Variants in POU2F1 observed in about 807,000 individuals in gnomAD.
POU2F1 encodes the protein POU class 2 homeobox 1, also known as POU domain, class 2, transcription factor 1.
POU2F1 carries 16 observed loss-of-function variants against 84.9 expected under a neutral mutation model. The observed-to-expected ratio is 0.19, with a 90% confidence interval of 0.13 to 0.29. The LOEUF (loss-of-function observed/expected upper bound fraction) is 0.29. POU2F1 is among the 10% of genes least tolerant of loss of function. The pLI is 1.00. For synonymous variants in POU2F1, 368 were observed against 368.3 expected (o/e 1.00, Z 0.01); for missense variants, 738 against 942.6 (o/e 0.78, Z 2.84).
rs192429069 is a variant in POU2F1, at chr1:167,415,459, T to C, written c.1991-41T>C. The C allele has an allele frequency of 3.1e-6, 5 of 1,587,380 alleles. No individual in the cohort carries two copies. In the East Asian group the frequency reaches 6.7e-5, roughly 21 times the overall value. ...TTTGGCTTCTCCAGGATGATGTTAA[T>C]GTTTTCATTCCTGCCTGTTTTGGGG... On this transcript the variant is annotated intron_variant, in intron 15 of 15. Transcript: ENST00000367866.
chr1:167,248,454 G>T (rs1441745645), intron 1 of POU2F1, among the ~76,000 whole-genome samples: 3 of 152,206 alleles, frequency 2.0e-5, no homozygotes, highest in African/African-American at 7.2e-5. Flanking sequence ...TCACAGTTCG[G>T]TAGGGAAAGG....
intron 8 of POU2F1, among the ~76,000 whole-genome samples, chr1:167,384,807 A>G (rs1194349654): frequency 6.6e-6 from 1 of 152,188 alleles, no homozygotes; most frequent in African/African-American, 2.4e-5. Context: ...CAAAGTGACC[A>G]GTTGCCACTT....
At chr1:167,225,724 T>TTC in intron 1 of POU2F1, among the ~76,000 whole-genome samples, 1 of 152,248 alleles carries the variant, frequency 6.6e-6, no homozygotes, top group Non-Finnish European at 1.5e-5. Flanking sequence ...TGAATTTATT[T>TTC]GTGTTTTTTA....
At chr1:167,263,772 C>T (rs1305785078) in intron 1 of POU2F1, among the ~76,000 whole-genome samples, 1 of 152,186 alleles carries the variant, frequency 6.6e-6, no homozygotes, top group Non-Finnish European at 1.5e-5. Flanking sequence ...TTCAGACAAA[C>T]TATTCTTAAG....
chr1:167,425,571 A>C lies in POU2F1; in HGVS notation c.*9761A>C, dbSNP rs964711663. On this transcript the variant is annotated 3_prime_UTR_variant, in exon 16 of 16. Coordinates refer to ENST00000367866, the MANE Select transcript of POU2F1 (RefSeq NM_002697.4). ...AAAGTCAAAAAACCCCATCACCACC[A>C]TCATCCACCCTACACCAACCAGGGT... 1 of 152,402 alleles carries C rather than the reference A, an allele frequency of 6.6e-6. No homozygotes were observed. Among genetic ancestry groups the C allele is most frequent in the South Asian group, 2.1e-4 (1 of 4,830 alleles). The allele number at this position is 152,402 out of a possible 1,614,324, so 9.4% of individuals were successfully genotyped here. A position where few individuals can be genotyped will look rare whatever the true frequency, so the allele number is the denominator to read the frequency against.
intron 1 of POU2F1, among the ~76,000 whole-genome samples, chr1:167,267,014 G>C (rs1652010127): frequency 6.6e-6 from 1 of 152,048 alleles, no homozygotes; most frequent in South Asian, 2.1e-4. Flanking sequence ...CTGTTTCTTG[G>C]AGGTTTGTTT....
At chr1:167,276,090 C>CA (rs1220872686) in intron 1 of POU2F1, among the ~76,000 whole-genome samples, 5 of 152,138 alleles carry the variant, frequency 3.3e-5, no homozygotes, top group Non-Finnish European at 5.9e-5. Flanking sequence ...AACTGCTGTC[C>CA]AAAAATATTA....
intron 6 of POU2F1, among the ~76,000 whole-genome samples, chr1:167,374,771 AATTT>A (rs1268039101): frequency 6.6e-6 from 1 of 152,220 alleles, no homozygotes; most frequent in Non-Finnish European, 1.5e-5. Context: ...AGATAATAAA[AATTT>A]ATTTAAGAAG....
chr1:167,259,416 C>T (rs965996992), intron 1 of POU2F1, among the ~76,000 whole-genome samples: 4 of 152,132 alleles, frequency 2.6e-5, no homozygotes, highest in African/African-American at 7.2e-5. Flanking sequence ...GTTTCATGAC[C>T]GTGTGGTATT....
intron 2 of POU2F1, among the ~76,000 whole-genome samples, chr1:167,362,038 C>T (rs147645878): frequency 5.9e-5 from 9 of 152,114 alleles, no homozygotes; most frequent in Non-Finnish European, 1.0e-4. Context: ...GGTTTTGGCC[C>T]GCAATGTACC....
At position 167,416,279 on chromosome 1, in the gene POU2F1, G is replaced by A; in HGVS notation, c.*469G>A. 1 of 301,366 alleles carries A rather than the reference G, an allele frequency of 3.3e-6. No homozygotes were observed. Among genetic ancestry groups the A allele is most frequent in the East Asian group, 9.1e-5 (1 of 10,986 alleles). 18.7% of individuals were successfully genotyped at this position (301,366 alleles called of 1,614,324 possible). ...AAAAAATCATTTTTATGGGTCTGTT[G>A]TACAGGCCATTAAGTCATAACAAGG... On this transcript the variant is annotated 3_prime_UTR_variant, in exon 16 of 16. Coordinates refer to ENST00000367866, the MANE Select transcript of POU2F1 (RefSeq NM_002697.4).
intron 2 of POU2F1, among the ~76,000 whole-genome samples, chr1:167,343,369 T>C (rs1333186948): frequency 6.6e-6 from 1 of 152,232 alleles, no homozygotes; most frequent in African/African-American, 2.4e-5. Context: ...AGAGGGTTTG[T>C]TTCTAAAATG....
At chr1:167,269,068 C>G (rs1174370330) in intron 1 of POU2F1, among the ~76,000 whole-genome samples, 1 of 151,998 alleles carries the variant, frequency 6.6e-6, no homozygotes, top group Non-Finnish European at 1.5e-5. Flanking sequence ...TGGATGTTGG[C>G]TCTTTGGTGT....
At chr1:167,294,379 A>G (rs1571243952) in intron 1 of POU2F1, among the ~76,000 whole-genome samples, 1 of 151,976 alleles carries the variant, frequency 6.6e-6, no homozygotes, top group East Asian at 1.9e-4. Flanking sequence ...AATCATGACT[A>G]AAACCCCAGA....
chr1:167,385,135 A>G (rs1465614417), intron 8 of POU2F1, among the ~76,000 whole-genome samples: 1 of 152,176 alleles, frequency 6.6e-6, no homozygotes, highest in East Asian at 1.9e-4. Context: ...TAAGGCCTAT[A>G]CAAATAGTTC....
At chr1:167,251,773 G>A (rs1019522475) in intron 1 of POU2F1, among the ~76,000 whole-genome samples, 3 of 151,696 alleles carry the variant, frequency 2.0e-5, no homozygotes, top group Non-Finnish European at 2.9e-5. Context: ...TTGTCATCAC[G>A]GAACATATTA....
At chr1:167,261,780 G>C (rs1009256540) in intron 1 of POU2F1, among the ~76,000 whole-genome samples, 2 of 152,132 alleles carry the variant, frequency 1.3e-5, no homozygotes, top group African/African-American at 4.8e-5. Context: ...CGCTTCCCAG[G>C]TTCAAACGAT....
intron 1 of POU2F1, among the ~76,000 whole-genome samples, chr1:167,231,988 G>A (rs1171289464): frequency 6.6e-6 from 1 of 152,072 alleles, no homozygotes; most frequent in Non-Finnish European, 1.5e-5. Context: ...TTCCCTACTC[G>A]TGTGCCCTCC....
intron 13 of POU2F1, among the ~76,000 whole-genome samples, chr1:167,404,397 G>A (rs1238996943): frequency 1.3e-5 from 2 of 152,102 alleles, no homozygotes; most frequent in African/African-American, 2.4e-5. Flanking sequence ...AGGGCTCGCG[G>A]TGAGCTGTGA....
Sources: allele counts gnomAD v4.1 joint callset (sites outside exome capture counted in the v4.1 genomes callset), GRCh38; gene constraint gnomAD v4.1.1; transcripts MANE v1.5; gene names NCBI Gene and HGNC (gene_info 2026-07-23, HGNC 2026-07-21).